Variants in CSMD3 observed in about 807,000 individuals in gnomAD.
CSMD3 encodes CUB and Sushi multiple domains 3, also known as CUB and sushi domain-containing protein 3.
Under a neutral mutation model 435.2 loss-of-function variants are expected in CSMD3, and 177 were observed. The observed-to-expected ratio is 0.41, with a 90% CI of 0.36 to 0.46. The LOEUF (loss-of-function observed/expected upper bound fraction) is 0.46, where lower values mean the gene tolerates loss of function less well. CSMD3 is among the 20% of genes least tolerant of loss of function. The pLI is 0.34. For missense variants in CSMD3, 4,265 were observed against 4,504.6 expected (o/e 0.95, Z 1.52); for synonymous variants, 1,656 against 1,520.5 (o/e 1.09, Z -2.07).
At chr8:112,687,888 G>T (rs1405326000) in intron 14 of CSMD3, among the ~76,000 whole-genome samples, 1 of 152,004 alleles carries the variant, frequency 6.6e-6, no homozygotes, top group African/African-American at 2.4e-5. Context: ...TCCAAAATGG[G>T]TGCACACATA....
At chr8:113,305,067 C>T (rs991093562) in intron 2 of CSMD3, among the ~76,000 whole-genome samples, 6 of 149,162 alleles carry the variant, frequency 4.0e-5, no homozygotes, top group African/African-American at 9.9e-5. Flanking sequence ...AACCAGACAC[C>T]GCATATTCTC....
chr8:112,448,172 A>T (rs967267822), intron 32 of CSMD3, among the ~76,000 whole-genome samples: 1 of 152,192 alleles, frequency 6.6e-6, no homozygotes, highest in Non-Finnish European at 1.5e-5. Context: ...CCAGCTTGTT[A>T]GACTACTGCC....
chr8:112,935,244 C>T (rs1399064070), intron 9 of CSMD3, among the ~76,000 whole-genome samples: 2 of 151,946 alleles, frequency 1.3e-5, no homozygotes, highest in Non-Finnish European at 2.9e-5. Flanking sequence ...CTATTCTGTT[C>T]CATTGGTCTC....
intron 24 of CSMD3, among the ~76,000 whole-genome samples, chr8:112,566,910 G>A (rs779750634): frequency 1.8e-4 from 27 of 152,100 alleles, no homozygotes; most frequent in Non-Finnish European, 4.4e-5. Flanking sequence ...TCATAAGCCT[G>A]TCTATAAAAT....
chr8:112,886,970 G>T (rs1466028493), intron 10 of CSMD3, among the ~76,000 whole-genome samples: 1 of 151,148 alleles, frequency 6.6e-6, no homozygotes, highest in East Asian at 2.0e-4. Flanking sequence ...GGATTTGGAG[G>T]GCTGACTGTA....
rs2077750747 is a variant in CSMD3, at chr8:112,758,275, C to T, written c.1972+41887G>A. ...ATGTTAAGGCAGAGAACTGCTTGAA[C>T]TGGGAGGTGGAGGCTGCAGTGAGCA... On this transcript the variant is annotated intron_variant, in intron 13 of 70. Transcript: ENST00000297405. 1.3e-5 allele frequency among the ~76,000 whole-genome samples: 2 copies of T among 151,426 alleles called. 1 individual carries two copies. Among genetic ancestry groups the T allele is most frequent in the South Asian group, 4.2e-4 (2 of 4,812 alleles).
At chr8:112,603,035 G>A (rs1245341722) in intron 22 of CSMD3, among the ~76,000 whole-genome samples, 2 of 152,118 alleles carry the variant, frequency 1.3e-5, no homozygotes, top group African/African-American at 4.8e-5. Context: ...ATGCCACCAT[G>A]GCAGGCTAAT....
intron 15 of CSMD3, among the ~76,000 whole-genome samples, chr8:112,682,883 A>C (rs2131789304): frequency 6.6e-6 from 1 of 152,262 alleles, no homozygotes; most frequent in Non-Finnish European, 1.5e-5. Context: ...ATAAAATTTC[A>C]AAACAGAATT....
chr8:112,399,256 T>G (rs1408879250), intron 35 of CSMD3, among the ~76,000 whole-genome samples: 1 of 120,454 alleles, frequency 8.3e-6, no homozygotes, highest in Non-Finnish European at 1.7e-5. Context: ...ATAGAAGTTT[T>G]GATTCCAAAT....
chr8:113,358,225 A>G (rs1257912171), intron 1 of CSMD3, among the ~76,000 whole-genome samples: 2 of 152,258 alleles, frequency 1.3e-5, no homozygotes, highest in Non-Finnish European at 2.9e-5. Context: ...TTGTAATACA[A>G]CTAAATTATT....
At position 112,975,909 on chromosome 8, in the gene CSMD3, T is replaced by C. The variant is rs747358013; in HGVS notation, c.1270A>G (p.Ser424Gly). 13 of 1,614,032 alleles carry C rather than the reference T, an allele frequency of 8.1e-6. No individual in the cohort carries two copies. Among genetic ancestry groups the C allele is most frequent in the Non-Finnish European group, 6.8e-6 (8 of 1,179,940 alleles). ...GCATGTCTTGGTCTTCTCCTGGTAC[T>C]TTGTGTATCTGCTGGATGAGGAGAG... ...GLSPHPADTQ[S>G]TRRRPRHAEQ... is the part of the protein sequence containing the mutation. The change falls in exon 7 of 71, where the codon AGT becomes GGT. Residue 424 changes from serine (S) to glycine (G), a missense_variant. Coordinates refer to ENST00000297405, the MANE Select transcript of CSMD3 (RefSeq NM_198123.2).
intron 52 of CSMD3, among the ~76,000 whole-genome samples, chr8:112,304,204 A>G (rs988973915): frequency 1.3e-5 from 2 of 152,146 alleles, no homozygotes; most frequent in African/African-American, 4.8e-5. Context: ...GACAGGTGTT[A>G]TAATTTTCTA....
chr8:112,259,442 G>T (rs557979036), intron 61 of CSMD3, among the ~76,000 whole-genome samples: 1 of 152,080 alleles, frequency 6.6e-6, no homozygotes, highest in Non-Finnish European at 1.5e-5. Context: ...GCCTGTCAGG[G>T]GGTGAGGGTC....
At chr8:113,256,992 A>G (rs1161240134) in intron 3 of CSMD3, among the ~76,000 whole-genome samples, 3 of 152,200 alleles carry the variant, frequency 2.0e-5, no homozygotes, top group Non-Finnish European at 4.4e-5. Flanking sequence ...CCTGATTTAC[A>G]TGAATGTTAA....
intron 4 of CSMD3, among the ~76,000 whole-genome samples, chr8:113,104,529 G>C (rs1322519436): frequency 6.6e-6 from 1 of 152,042 alleles, no homozygotes; most frequent in Non-Finnish European, 1.5e-5. Flanking sequence ...TGTGTTTAAA[G>C]AGAAACCCCT....
intron 4 of CSMD3, among the ~76,000 whole-genome samples, chr8:113,162,415 A>T (rs1303944835): frequency 1.3e-5 from 2 of 151,766 alleles, no homozygotes; most frequent in Non-Finnish European, 2.9e-5. Flanking sequence ...AATACACAAA[A>T]TTAGCTGTGC....
intron 17 of CSMD3, among the ~76,000 whole-genome samples, chr8:112,665,596 GT>G (rs2075502060): frequency 6.6e-6 from 1 of 152,052 alleles, no homozygotes; most frequent in Non-Finnish European, 1.5e-5. Flanking sequence ...TCATCTGTTT[GT>G]TTTTTGAAGA....
At chr8:113,171,486 T>C (rs1263317970) in intron 4 of CSMD3, among the ~76,000 whole-genome samples, 3 of 152,132 alleles carry the variant, frequency 2.0e-5, no homozygotes, top group Non-Finnish European at 4.4e-5. Context: ...GTTTTAAGTG[T>C]CTTACTACTT....
chr8:112,722,776 C>T (rs953245711), intron 13 of CSMD3, among the ~76,000 whole-genome samples: 3 of 151,936 alleles, frequency 2.0e-5, no homozygotes, highest in Non-Finnish European at 4.4e-5. Context: ...AATTAATTCA[C>T]GAGCTACAGA....
Sources: gnomAD v4.1 joint callset for allele counts (sites outside exome capture counted in the v4.1 genomes callset) on GRCh38, gnomAD v4.1.1 for gene constraint, MANE v1.5 for transcripts, NCBI Gene and HGNC (gene_info 2026-07-23, HGNC 2026-07-21) for gene names.